The following IDH3A variants were observed in gnomAD, a reference collection of about 807,000 sequenced individuals.
The protein encoded by IDH3A is isocitrate dehydrogenase [NAD] subunit alpha, mitochondrial.
A neutral mutation model predicts 43.3 loss-of-function variants in IDH3A; 23 were observed. That is an observed-to-expected ratio of 0.53 (90% CI 0.38 to 0.75). IDH3A has a LOEUF of 0.75. Among genes scored for constraint, IDH3A ranks in the 30% least tolerant of loss-of-function variants. The pLI is 0.00. For missense variants in IDH3A, 329 were observed against 474.4 expected (o/e 0.69, Z 2.85); for synonymous variants, 154 against 163.5 (o/e 0.94, Z 0.44).
chr15:78,163,518 A>C lies in IDH3A; in HGVS notation c.623A>C (p.Asp208Ala). ...VHKANIMRMS[D>A]GLFLQKCREV... The stretch of plus-strand genomic sequence containing the variant: ...TTGATTAAATACAGGCGGATGTCAG[A>C]TGGGCTTTTTCTACAAAAATGCAGG... Residue 208 changes from aspartate to alanine, a missense_variant, in exon 7 of 11, where the codon GAT becomes GCT. Physicochemically the swap from Asp to Ala is moderately radical, Grantham distance 126. Around this residue, in one of 3 missense-constraint regions of IDH3A, gnomAD observed 212 missense variants for 345.5 expected, o/e 0.61. Transcript: ENST00000299518. 1 of 1,611,134 alleles carries C rather than the reference A, an allele frequency of 6.2e-7. No individual in the cohort carries two copies. The highest frequency in any genetic ancestry group is 8.5e-7 in the Non-Finnish European group (1 of 1,177,658).
chr15:78,162,122 A>C, intron 5 of IDH3A, 112 bp from the exon 6 acceptor site: 1 of 1,063,032 alleles, frequency 9.4e-7, no homozygotes, highest in Non-Finnish European at 1.4e-6. Context: ...TAGTCATGCT[A>C]GCTGGCACTG....
At chr15:78,149,454 T>TGGCA (rs755914231) in intron 1 of IDH3A, 24 bp downstream of exon 1, 12 of 1,528,172 alleles carry the variant, frequency 7.9e-6, no homozygotes, top group Middle Eastern at 2.1e-4. Flanking sequence ...GGCCGGCGTG[T>TGGCA]GGCAGGCAGG....
At chr15:78,166,069 T>C (rs1297613504) in intron 9 of IDH3A, 81 bp from the exon 10 acceptor site, 4 of 1,295,050 alleles carry the variant, frequency 3.1e-6, no homozygotes, top group African/African-American at 1.5e-5. Flanking sequence ...TGAGGAAAGA[T>C]GGTTAAGACT....
intron 1 of IDH3A, among the ~76,000 whole-genome samples, chr15:78,149,631 C>T (rs2074556501): frequency 6.6e-6 from 1 of 152,168 alleles, no homozygotes; most frequent in Non-Finnish European, 1.5e-5. Context: ...CGCCCCGGGC[C>T]GGGTCAGCAG....
intron 6 of IDH3A, 39 bp downstream of exon 6, chr15:78,162,406 G>A: frequency 6.2e-7 from 1 of 1,605,806 alleles, no homozygotes; most frequent in Non-Finnish European, 8.5e-7. Flanking sequence ...ATCTTGCTTT[G>A]TTGTGGGAGA....
rs866348223 is a variant in IDH3A at position 78,159,035 on chromosome 15, G to A, written c.175-1057G>A. Among the ~76,000 whole-genome samples the A allele has an allele frequency of 1.5e-4, 22 of 151,406 alleles. No homozygotes were observed. In the South Asian group the frequency reaches 2.1e-3, roughly 14 times the overall value. On this transcript the variant is annotated intron_variant, in intron 3 of 10. Coordinates refer to ENST00000299518, the MANE Select transcript of IDH3A (RefSeq NM_005530.3). The stretch of plus-strand genomic sequence containing the variant: ...TTTAGTAGAGGCGGGGTTTCACCAT[G>A]TTGGCTAGGCTGGGCTGGAACTCCT...
chr15:78,157,665 C>G (rs964088487), intron 3 of IDH3A, 34 bp downstream of exon 3: 1 of 1,466,200 alleles, frequency 6.8e-7, no homozygotes, highest in Non-Finnish European at 9.5e-7. Flanking sequence ...TTAATGATGA[C>G]TCACTGAAAA....
chr15:78,162,545 G>GTTTTTTT (rs34495427), intron 6 of IDH3A, among the ~76,000 whole-genome samples, 178 bp downstream of exon 6: 1 of 120,202 alleles, frequency 8.3e-6, no homozygotes, highest in Non-Finnish European at 1.7e-5. Context: ...TTTCTCCTCT[G>GTTTTTTT]TTTTTTTTTT....
intron 10 of IDH3A, among the ~76,000 whole-genome samples, chr15:78,167,119 T>A (rs2074753083): frequency 6.6e-6 from 1 of 152,236 alleles, no homozygotes; most frequent in Non-Finnish European, 1.5e-5. Context: ...TTACACTGTG[T>A]GCATCTATAA....
intron 10 of IDH3A, chr15:78,167,797 A>G (rs531577863): frequency 6.6e-6 from 1 of 152,312 alleles, no homozygotes; most frequent in South Asian, 2.1e-4. Flanking sequence ...ACTTAGCGTA[A>G]TATCTTCAAA....
chr15:78,156,937 T>A, intron 2 of IDH3A: 1 of 1,351,822 alleles, frequency 7.4e-7, no homozygotes, highest in Non-Finnish European at 9.8e-7. Flanking sequence ...TGTAGATTAC[T>A]CTTAGATTTA....
rs2074683314 is a variant in IDH3A, at chr15:78,161,737, CAGA to C, written c.449_451del (p.Glu150del). 1.2e-6 allele frequency: 2 copies of C among 1,613,982 alleles called. No homozygotes were observed. Among genetic ancestry groups the C allele is most frequent in the African/African-American group, 2.7e-5 (2 of 74,922 alleles). ...AATATTGTGACCATTCGAGAGAACA[CAGA>C]AGGAGAATACAGTGGAATTGAGCAT... On this transcript the variant is annotated inframe_deletion, in exon 5 of 11. Transcript: ENST00000299518. The surrounding 1 kb of genome is among the most constrained non-coding windows in gnomAD (Gnocchi z 4.8).
chr15:78,161,828 C>A lies in IDH3A; in HGVS notation c.477+60C>A. The A allele has an allele frequency of 7.1e-7, 1 of 1,412,528 alleles. No homozygotes were observed. The highest frequency in any genetic ancestry group is 9.9e-7 in the Non-Finnish European group (1 of 1,005,170). The allele number at this position is 1,412,528 out of a possible 1,614,324, so 87.5% of individuals were successfully genotyped here. A position where few individuals can be genotyped will look rare whatever the true frequency, so the allele number is the denominator to read the frequency against. ...TGGACTGCTTTCTGTGCATCTGGGA[C>A]CCCAGAGACAGATCTGCTTTATCTC... On this transcript the variant is annotated intron_variant, in intron 5 of 10. Transcript: ENST00000299518. This position sits in a 1 kb window ranked among gnomAD's most constrained non-coding sequence, Gnocchi z 4.8.
Position 78,171,243 on chromosome 15 carries a change from A to G in IDH3A, c.*2238A>G, listed in dbSNP as rs765761348. ...GCAATACTTAAACTGAATTAAAACTACCCACACGTGAAGCTTCTTGGAATT... is the reference window on the plus strand; with the variant it reads ...GCAATACTTAAACTGAATTAAAACTGCCCACACGTGAAGCTTCTTGGAATT... On this transcript the variant is annotated 3_prime_UTR_variant, in exon 11 of 11. Coordinates refer to ENST00000299518, the MANE Select transcript of IDH3A (RefSeq NM_005530.3). The G allele has an allele frequency of 2.1e-5, 10 of 486,596 alleles. No individual in the cohort carries two copies. The highest frequency in any genetic ancestry group is 3.7e-5 in the Non-Finnish European group (10 of 270,390). 30.1% of individuals were successfully genotyped at this position (486,596 alleles called of 1,614,324 possible).
Position 78,161,590 on chromosome 15 carries a change from A to G in IDH3A, c.299A>G (p.Lys100Arg), listed in dbSNP as rs2141297335. The change falls in exon 5 of 11, where the codon AAG (lysine) becomes AGG (arginine). Residue 100 changes from lysine (K) to arginine (R), a missense_variant. By Grantham distance (26) the Lys-to-Arg change is conservative. Coordinates refer to ENST00000299518, the MANE Select transcript of IDH3A (RefSeq NM_005530.3). This position sits in a 1 kb window ranked among gnomAD's most constrained non-coding sequence, Gnocchi z 4.8. Reference sequence around the variant, plus strand: ...TTCTTCTGTATAACAGGCCCTTTGAAGACCCCAATAGCAGCCGGTCACCCA... The same window carrying G: ...TTCTTCTGTATAACAGGCCCTTTGAGGACCCCAATAGCAGCCGGTCACCCA... Reference protein sequence around the residue: ...KNKMGLKGPLKTPIAAGHPSM... With the variant: ...KNKMGLKGPLRTPIAAGHPSM... 1 of 1,613,262 alleles carries G rather than the reference A, an allele frequency of 6.2e-7. No homozygotes were observed. The highest frequency in any genetic ancestry group is 8.5e-7 in the Non-Finnish European group (1 of 1,179,930).
intron 8 of IDH3A, among the ~76,000 whole-genome samples, chr15:78,164,258 T>C (rs1394199675): frequency 6.6e-6 from 1 of 151,622 alleles, no homozygotes; most frequent in Non-Finnish European, 1.5e-5. Flanking sequence ...TTTCCCTCCC[T>C]TCCTCTTCCT....
At chr15:78,160,337 A>G (rs1319414746) in intron 4 of IDH3A, 131 bp downstream of exon 4, 5 of 594,516 alleles carry the variant, frequency 8.4e-6, no homozygotes, top group Non-Finnish European at 1.5e-5. Flanking sequence ...TTTATGAAGT[A>G]ACTACTCATA....
At chr15:78,151,437 G>T (rs1170540382) in intron 1 of IDH3A, 1 of 152,132 alleles carries the variant, frequency 6.6e-6, no homozygotes, top group East Asian at 1.9e-4. Context: ...TTTGCTGGGC[G>T]TGGTGGCGCA....
At chr15:78,167,011 TA>T in intron 10 of IDH3A, among the ~76,000 whole-genome samples, 1 of 152,152 alleles carries the variant, frequency 6.6e-6, no homozygotes, top group Non-Finnish European at 1.5e-5. Flanking sequence ...GTGTGAAGAG[TA>T]AAATGATGAA....
Sources: gnomAD v4.1 joint callset for allele counts (sites outside exome capture counted in the v4.1 genomes callset) on GRCh38, gnomAD v4.1.1 for gene constraint, gnomAD v4.1.1 regional missense constraint, Gnocchi (gnomAD v3.1) non-coding constraint, MANE v1.5 for transcripts, NCBI Gene and HGNC (gene_info 2026-07-23, HGNC 2026-07-21) for gene names.